XPR1: variants seen among roughly 807,000 people sequenced by gnomAD.
XPR1 encodes xenotropic and polytropic retrovirus receptor 1.
XPR1 carries 28 observed loss-of-function variants against 87.5 expected under a neutral mutation model. The ratio of observed to expected loss-of-function variants is 0.32; its 90% confidence interval spans 0.24 to 0.44. XPR1 has a LOEUF of 0.44. XPR1 is among the 20% of genes least tolerant of loss of function. The pLI is 1.00. For missense variants in XPR1, 559 were observed against 862.3 expected (o/e 0.65, Z 4.41); for synonymous variants, 300 against 306.1 (o/e 0.98, Z 0.21).
chr1:180,736,495 C>T (rs1470850689), intron 2 of XPR1, among the ~76,000 whole-genome samples: 4 of 152,182 alleles, frequency 2.6e-5, no homozygotes, highest in Middle Eastern at 3.4e-3. Flanking sequence ...CTCAGCATTC[C>T]GTAGTTTGTT....
At chr1:180,875,969 AGT>A (rs57725809) in intron 13 of XPR1, among the ~76,000 whole-genome samples, 6,542 of 152,242 alleles carry the variant, frequency 0.043, 501 homozygotes, top group African/African-American at 0.15. Flanking sequence ...CTGAAAAAGC[AGT>A]GTGCCAAAAC....
chr1:180,804,025 A>G (rs1649890901), intron 4 of XPR1, among the ~76,000 whole-genome samples: 1 of 148,704 alleles, frequency 6.7e-6, no homozygotes, highest in South Asian at 2.1e-4. Flanking sequence ...TCACTGTGTC[A>G]CCCAGGCTGG....
At chr1:180,857,731 G>C (rs1652082169) in intron 11 of XPR1, among the ~76,000 whole-genome samples, 1 of 151,878 alleles carries the variant, frequency 6.6e-6, no homozygotes, top group South Asian at 2.1e-4. Context: ...TCATTCCCTA[G>C]AATGTACCTA....
chr1:180,718,969 A>G (rs1347325382), intron 2 of XPR1, among the ~76,000 whole-genome samples: 1 of 152,136 alleles, frequency 6.6e-6, no homozygotes, highest in Non-Finnish European at 1.5e-5. Flanking sequence ...ACCCAGCCGG[A>G]TCTGTATGTT....
At position 180,824,808 on chromosome 1, in the gene XPR1, G is replaced by T. The variant is rs144546884; in HGVS notation, c.819G>T (p.Arg273=). The part of the protein sequence containing the change: ...RSIWPLIRIY[R]GGFLLIEFLF... ...TATGGCCCTTGATAAGAATCTATCG[G>T]GGTGGCTTTCTTCTGATTGAATTCC... The change falls in exon 8 of 15, where the codon CGG becomes CGT. Residue 273 remains arginine (R), a synonymous_variant. Transcript: ENST00000367590. 12,602 of 1,613,932 alleles carry T rather than the reference G, an allele frequency of 7.8e-3. 88 individuals carry two copies. The highest frequency in any genetic ancestry group is 8.3e-3 in the Non-Finnish European group (9,820 of 1,179,928).
chr1:180,811,959 G>T (rs942817556), intron 7 of XPR1, among the ~76,000 whole-genome samples: 5 of 152,122 alleles, frequency 3.3e-5, no homozygotes, highest in African/African-American at 1.2e-4. Context: ...TTCTATAGAA[G>T]TAAAAACAAT....
intron 3 of XPR1, among the ~76,000 whole-genome samples, chr1:180,790,533 A>G (rs978197609): frequency 1.3e-5 from 2 of 152,118 alleles, no homozygotes; most frequent in Non-Finnish European, 2.9e-5. Flanking sequence ...GAAGACAGAG[A>G]CAAAATATAC....
At chr1:180,754,085 C>T (rs896686645) in intron 2 of XPR1, among the ~76,000 whole-genome samples, 3 of 152,188 alleles carry the variant, frequency 2.0e-5, no homozygotes, top group Admixed American at 2.0e-4. Context: ...ACTTGTTCAA[C>T]TATCATATCA....
intron 13 of XPR1, among the ~76,000 whole-genome samples, chr1:180,874,286 T>C (rs148733398): frequency 6.6e-6 from 1 of 152,232 alleles, no homozygotes; most frequent in African/African-American, 2.4e-5. Flanking sequence ...TAAGTGGAAA[T>C]TGGGAGGTAA....
chr1:180,767,722 T>C (rs1648340594), intron 2 of XPR1, among the ~76,000 whole-genome samples: 2 of 152,202 alleles, frequency 1.3e-5, no homozygotes, highest in South Asian at 2.1e-4. Context: ...CCTGATTCTG[T>C]ACAGTACGTA....
intron 2 of XPR1, among the ~76,000 whole-genome samples, chr1:180,754,412 A>G (rs1417479411): frequency 1.3e-5 from 2 of 152,164 alleles, no homozygotes; most frequent in South Asian, 2.1e-4. Context: ...ACAGAATGAT[A>G]TGAAACCCAA....
chr1:180,753,467 T>A (rs569150759), intron 2 of XPR1, among the ~76,000 whole-genome samples: 1 of 151,792 alleles, frequency 6.6e-6, no homozygotes, highest in African/African-American at 2.4e-5. Context: ...AGTGAGAGGA[T>A]GGCTTGAGCC....
chr1:180,886,605 CT>C lies in XPR1; in HGVS notation c.*2541del, dbSNP rs1653018906. 6.6e-6 allele frequency: 1 copy of C among 152,120 alleles called. No individual in the cohort carries two copies. The highest frequency in any genetic ancestry group is 2.4e-5 in the African/African-American group (1 of 41,424). The allele number at this position is 152,120 out of a possible 1,614,324, so 9.4% of individuals were successfully genotyped here. A position where few individuals can be genotyped will look rare whatever the true frequency, so the allele number is the denominator to read the frequency against. On this transcript the variant is annotated 3_prime_UTR_variant, in exon 15 of 15. Transcript: ENST00000367590. ...TGGCATAGTCTATTCAAAAATAAGG[CT>C]TATGTAACTTTCAGCTTGCTATGTG...
At chr1:180,824,978 A>G (rs1650773577) in intron 8 of XPR1, 35 bp downstream of exon 8, 3 of 1,598,536 alleles carry the variant, frequency 1.9e-6, no homozygotes, top group African/African-American at 2.7e-5. Context: ...TCATGAATAT[A>G]GTTTGCATTA....
intron 1 of XPR1, among the ~76,000 whole-genome samples, chr1:180,655,672 AT>A (rs916313347): frequency 6.6e-6 from 1 of 151,958 alleles, no homozygotes; most frequent in Non-Finnish European, 1.5e-5. Flanking sequence ...TAGATCCAGT[AT>A]TGTGAAACTT....
intron 2 of XPR1, among the ~76,000 whole-genome samples, chr1:180,720,217 TA>T (rs1424730179): frequency 6.6e-6 from 1 of 152,082 alleles, no homozygotes; most frequent in East Asian, 1.9e-4. Context: ...TTATTAAAAA[TA>T]AAAAATAATT....
chr1:180,761,906 T>C (rs1648049348), intron 2 of XPR1, among the ~76,000 whole-genome samples: 1 of 151,998 alleles, frequency 6.6e-6, no homozygotes, highest in African/African-American at 2.4e-5. Context: ...ATTAAGAAAA[T>C]GTGGCACAGA....
intron 2 of XPR1, among the ~76,000 whole-genome samples, chr1:180,753,016 C>T (rs894292721): frequency 2.0e-5 from 3 of 152,090 alleles, no homozygotes; most frequent in African/African-American, 7.2e-5. Flanking sequence ...AGCAGAAGAT[C>T]GTTTAGCCAT....
intron 10 of XPR1, 129 bp from the exon 11 acceptor site, chr1:180,836,393 G>T: frequency 1.1e-6 from 1 of 925,222 alleles, no homozygotes; most frequent in Non-Finnish European, 1.6e-6. Context: ...TATAATAGTT[G>T]CAAAGAAGAA....
Sources: gnomAD v4.1 joint callset for allele counts (sites outside exome capture counted in the v4.1 genomes callset) on GRCh38, gnomAD v4.1.1 for gene constraint, MANE v1.5 for transcripts, NCBI Gene and HGNC (gene_info 2026-07-23, HGNC 2026-07-21) for gene names.